ELOVL6: variants seen among roughly 807,000 people sequenced by gnomAD.
The protein encoded by ELOVL6 is ELOVL fatty acid elongase 6.
Under a neutral mutation model 31.7 loss-of-function variants are expected in ELOVL6, and 8 were observed. The ratio of observed to expected loss-of-function variants is 0.25; its 90% CI spans 0.15 to 0.45. The LOEUF (loss-of-function observed/expected upper bound fraction) is 0.45, where lower values mean the gene tolerates loss of function less well. Ranked by LOEUF, ELOVL6 falls within the 20% of genes least tolerant of loss-of-function variation. The pLI is 1.00. For synonymous variants in ELOVL6, 101 were observed against 117.7 expected (o/e 0.86, Z 0.92); for missense variants, 126 against 326.4 (o/e 0.39, Z 4.73).
At chr4:110,111,151 C>G (rs2126249088) in intron 1 of ELOVL6, among the ~76,000 whole-genome samples, 1 of 152,276 alleles carries the variant, frequency 6.6e-6, no homozygotes, top group Admixed American at 6.5e-5. Flanking sequence ...ACAGAAATTC[C>G]TTGTATACAT....
chr4:110,118,484 G>A (rs1307993855), intron 1 of ELOVL6, among the ~76,000 whole-genome samples: 1 of 152,030 alleles, frequency 6.6e-6, no homozygotes, highest in Non-Finnish European at 1.5e-5. Context: ...AACTTTTTTA[G>A]ATTTCACATA....
chr4:110,167,526 CATT>C (rs138177902), intron 1 of ELOVL6, among the ~76,000 whole-genome samples: 3,835 of 152,024 alleles, frequency 0.025, 164 homozygotes, highest in Admixed American at 0.1. Context: ...GAAGGGGGAA[CATT>C]ATAAATTTTA....
intron 1 of ELOVL6, among the ~76,000 whole-genome samples, chr4:110,194,079 CAGAG>C (rs761430656): frequency 6.6e-6 from 1 of 152,216 alleles, no homozygotes; most frequent in African/African-American, 2.4e-5. Context: ...AAAGAGAAGG[CAGAG>C]AGAGCCCAGC....
intron 1 of ELOVL6, among the ~76,000 whole-genome samples, chr4:110,105,883 G>A (rs927432376): frequency 6.6e-6 from 1 of 152,200 alleles, no homozygotes; most frequent in African/African-American, 2.4e-5. Context: ...TAGGCTCTAG[G>A]ACTGAAATTT....
At chr4:110,070,602 C>T (rs141371112) in intron 2 of ELOVL6, among the ~76,000 whole-genome samples, 6 of 152,288 alleles carry the variant, frequency 3.9e-5, no homozygotes, top group African/African-American at 7.2e-5. Flanking sequence ...AAAAATCTCA[C>T]GTTGAACTGT....
chr4:110,147,915 GGCCA>G (rs1758166480), intron 1 of ELOVL6, among the ~76,000 whole-genome samples: 1 of 151,582 alleles, frequency 6.6e-6, no homozygotes, highest in African/African-American at 2.4e-5. Context: ...AGGAGTTCCA[GGCCA>G]GCCTGGCCAA....
intron 2 of ELOVL6, among the ~76,000 whole-genome samples, chr4:110,078,372 G>C (rs10034447): frequency 0.011 from 1,682 of 152,340 alleles, 29 homozygotes; most frequent in African/African-American, 0.038. Context: ...GGAAGCCCAT[G>C]AGACTAACAG....
At chr4:110,183,971 G>A (rs976535851) in intron 1 of ELOVL6, among the ~76,000 whole-genome samples, 4 of 152,094 alleles carry the variant, frequency 2.6e-5, no homozygotes, top group South Asian at 2.1e-4. Context: ...AACAGAGTGA[G>A]ACCCTGTCTC....
At chr4:110,119,513 G>C (rs990202752) in intron 1 of ELOVL6, among the ~76,000 whole-genome samples, 4 of 152,156 alleles carry the variant, frequency 2.6e-5, no homozygotes, top group Non-Finnish European at 5.9e-5. Context: ...AGGAAGCTGC[G>C]CTCCTGCTTG....
At chr4:110,198,128 AGCTG>A in intron 1 of ELOVL6, 115 bp downstream of exon 1, 1 of 530,164 alleles carries the variant, frequency 1.9e-6, no homozygotes, top group Non-Finnish European at 3.6e-6. Context: ...CTCAGCGATC[AGCTG>A]GCTGCCCGCG....
chr4:110,174,805 A>C (rs1759050995), intron 1 of ELOVL6, among the ~76,000 whole-genome samples: 4 of 152,172 alleles, frequency 2.6e-5, no homozygotes, highest in Admixed American at 2.6e-4. Context: ...CAAAGTTGGC[A>C]TATTTAGATT....
chr4:110,141,813 C>T (rs1278961459), intron 1 of ELOVL6, among the ~76,000 whole-genome samples: 1 of 134,198 alleles, frequency 7.5e-6, no homozygotes, highest in Admixed American at 7.7e-5. Flanking sequence ...TGTACTAATA[C>T]AATACAATAC....
chr4:110,095,550 G>A (rs988952444), intron 2 of ELOVL6, among the ~76,000 whole-genome samples: 2 of 151,570 alleles, frequency 1.3e-5, no homozygotes, highest in African/African-American at 2.4e-5. Context: ...GAAAAGATTC[G>A]ATATACCATG....
At chr4:110,134,249 C>T (rs6533494) in intron 1 of ELOVL6, among the ~76,000 whole-genome samples, 151,020 of 152,316 alleles carry the variant, frequency 0.99, 74,872 homozygotes, top group Middle Eastern at 1. Flanking sequence ...CTTGAAGTGA[C>T]GAGAGAACAT....
chr4:110,094,437 ATATATAAT>A (rs1354260925), intron 2 of ELOVL6, among the ~76,000 whole-genome samples: 6,091 of 65,222 alleles, frequency 0.093, 497 homozygotes, highest in South Asian at 0.13. Flanking sequence ...ATATATATAT[ATATATAAT>A]ATATATAACA....
chr4:110,089,533 T>A (rs1463489550), intron 2 of ELOVL6, among the ~76,000 whole-genome samples: 3 of 152,192 alleles, frequency 2.0e-5, no homozygotes, highest in African/African-American at 4.8e-5. Flanking sequence ...TGGAATTGAT[T>A]TCCATGGGCA....
At chr4:110,196,381 C>T (rs1022858940) in intron 1 of ELOVL6, among the ~76,000 whole-genome samples, 1 of 152,200 alleles carries the variant, frequency 6.6e-6, no homozygotes, top group African/African-American at 2.4e-5. Context: ...GGGCCCGGGG[C>T]TAGCCAGCAG....
chr4:110,063,240 A>G (rs1253728775), intron 2 of ELOVL6, among the ~76,000 whole-genome samples: 1 of 152,082 alleles, frequency 6.6e-6, no homozygotes, highest in Non-Finnish European at 1.5e-5. Context: ...TTATATAGAT[A>G]TTTTTCTTGG....
At chr4:110,088,135 C>T (rs553574012) in intron 2 of ELOVL6, among the ~76,000 whole-genome samples, 3 of 152,094 alleles carry the variant, frequency 2.0e-5, no homozygotes, top group South Asian at 4.2e-4. Context: ...ACTTCCAGGC[C>T]CTTCAGTCAT....
Sources: allele counts gnomAD v4.1 joint callset (sites outside exome capture counted in the v4.1 genomes callset), GRCh38; gene constraint gnomAD v4.1.1; transcripts MANE v1.5; gene names NCBI Gene and HGNC (gene_info 2026-07-23, HGNC 2026-07-21).